SMIM14: variants seen among roughly 807,000 people sequenced by gnomAD.
The protein encoded by SMIM14 is chromosome 4 open reading frame 34.
SMIM14 carries 5 observed loss-of-function variants against 12.6 expected under a neutral mutation model. The ratio of observed to expected loss-of-function variants is 0.40; its 90% CI spans 0.21 to 0.83. The LOEUF is 0.83. SMIM14 is among the 40% of genes least tolerant of loss of function. The pLI is 0.37. For synonymous variants in SMIM14, 30 were observed against 40.1 expected (o/e 0.75, Z 0.95); for missense variants, 86 against 119.1 (o/e 0.72, Z 1.29).
Position 39,549,268 on chromosome 4 carries a change from T to G in SMIM14, c.*2858A>C, listed in dbSNP as rs1578301132. The G allele has an allele frequency of 2.0e-5, 3 of 152,178 alleles. 1 individual carries two copies. The East Asian group carries it at 5.8e-4, about 29-fold the overall frequency. The allele number at this position is 152,178 out of a possible 1,614,324, so 9.4% of individuals were successfully genotyped here. A position where few individuals can be genotyped will look rare whatever the true frequency, so the allele number is the denominator to read the frequency against. On this transcript the variant is annotated 3_prime_UTR_variant, in exon 5 of 5. Coordinates refer to ENST00000295958, the MANE Select transcript of SMIM14 (RefSeq NM_174921.3). Reference sequence around the variant, plus strand: ...ATTCTGTATCCAAGTTTCAGCCATTTCATCCAATAAAGCCTTCTAAAGCCT... The same window carrying G: ...ATTCTGTATCCAAGTTTCAGCCATTGCATCCAATAAAGCCTTCTAAAGCCT...
At chr4:39,586,075 G>A (rs149849162) in intron 2 of SMIM14, among the ~76,000 whole-genome samples, 1 of 151,990 alleles carries the variant, frequency 6.6e-6, no homozygotes, top group Non-Finnish European at 1.5e-5. Flanking sequence ...GTTTCCTGCT[G>A]GGGGCTGGTG....
Position 39,621,776 on chromosome 4 carries a change from T to A in SMIM14, c.-35-16596A>T, listed in dbSNP as rs1715503099. On this transcript the variant is annotated intron_variant, in intron 1 of 4. Transcript: ENST00000295958. Reference sequence around the variant, plus strand: ...AGAGCAATCATGACTCACTGCATCCTTGACCTCCCAGGCTCAAGTGATCCC... The same window carrying A: ...AGAGCAATCATGACTCACTGCATCCATGACCTCCCAGGCTCAAGTGATCCC... 7.5e-5 allele frequency among the ~76,000 whole-genome samples: 11 copies of A among 147,376 alleles called. No homozygotes were observed. The South Asian group carries it at 2.0e-3, about 27-fold the overall frequency.
intron 3 of SMIM14, among the ~76,000 whole-genome samples, chr4:39,569,260 T>G (rs1004463514): frequency 2.6e-4 from 39 of 152,172 alleles, no homozygotes; most frequent in African/African-American, 8.9e-4. Context: ...ATGGACTAGG[T>G]TCCCACAAAA....
At chr4:39,555,586 C>A (rs141230783) in intron 4 of SMIM14, among the ~76,000 whole-genome samples, 1 of 152,250 alleles carries the variant, frequency 6.6e-6, no homozygotes, top group East Asian at 1.9e-4. Context: ...GTCACTTTAT[C>A]ATAGTTTTAA....
At chr4:39,626,473 G>A (rs1160079230) in intron 1 of SMIM14, among the ~76,000 whole-genome samples, 1 of 152,144 alleles carries the variant, frequency 6.6e-6, no homozygotes, top group Non-Finnish European at 1.5e-5. Flanking sequence ...CAGCACAGGA[G>A]GTGGGATTCA....
At chr4:39,605,228 CTT>C (rs1271951512) in intron 1 of SMIM14, 48 bp from the exon 2 acceptor site, 12 of 1,078,870 alleles carry the variant, frequency 1.1e-5, no homozygotes, top group Middle Eastern at 2.0e-4. Flanking sequence ...CAGAATTACT[CTT>C]TCTCTTGAGC....
chr4:39,625,868 G>A (rs989791295), intron 1 of SMIM14, among the ~76,000 whole-genome samples: 1 of 152,242 alleles, frequency 6.6e-6, no homozygotes, highest in African/African-American at 2.4e-5. Flanking sequence ...GAATACAACA[G>A]GAATATACAG....
intron 2 of SMIM14, among the ~76,000 whole-genome samples, chr4:39,595,863 CCTCCTT>C (rs1003668471): frequency 2.4e-4 from 37 of 152,004 alleles, no homozygotes; most frequent in African/African-American, 8.9e-4. Flanking sequence ...GTGGCCTCTG[CCTCCTT>C]TGGGAAGAGT....
At chr4:39,600,020 G>C (rs73240618) in intron 2 of SMIM14, among the ~76,000 whole-genome samples, 10,605 of 151,530 alleles carry the variant, frequency 0.07, 614 homozygotes, top group East Asian at 0.23. Context: ...TTAGGGGCAA[G>C]ATAAATTTGG....
At chr4:39,563,818 A>G (rs1375540755) in intron 3 of SMIM14, among the ~76,000 whole-genome samples, 3 of 152,100 alleles carry the variant, frequency 2.0e-5, no homozygotes, top group Non-Finnish European at 2.9e-5. Flanking sequence ...GTTTGACTGT[A>G]CCACCTCTTA....
chr4:39,628,895 G>A (rs1220019575), intron 1 of SMIM14, among the ~76,000 whole-genome samples: 1 of 150,342 alleles, frequency 6.7e-6, no homozygotes, highest in Non-Finnish European at 1.5e-5. Flanking sequence ...ATCACACCCA[G>A]CTAGTTTTTA....
intron 2 of SMIM14, among the ~76,000 whole-genome samples, chr4:39,592,000 G>T (rs147346908): frequency 6.6e-6 from 1 of 151,722 alleles, no homozygotes; most frequent in South Asian, 2.1e-4. Context: ...TGAGACCAGC[G>T]TAGGCAACAC....
intron 2 of SMIM14, among the ~76,000 whole-genome samples, chr4:39,591,619 G>A (rs990149325): frequency 6.6e-6 from 1 of 152,014 alleles, no homozygotes; most frequent in East Asian, 1.9e-4. Context: ...GCAGTGGTGT[G>A]ATATCAGATC....
chr4:39,582,616 A>C (rs1713571781), intron 2 of SMIM14, among the ~76,000 whole-genome samples: 6 of 151,508 alleles, frequency 4.0e-5, no homozygotes, highest in Admixed American at 4.0e-4. Flanking sequence ...GTGAGCCAAG[A>C]CTGTGCCAAT....
At chr4:39,581,304 G>A (rs1713479100) in intron 2 of SMIM14, among the ~76,000 whole-genome samples, 2 of 151,838 alleles carry the variant, frequency 1.3e-5, no homozygotes, top group African/African-American at 4.8e-5. Flanking sequence ...CTATTAATGA[G>A]CAGATCTGCC....
intron 2 of SMIM14, among the ~76,000 whole-genome samples, chr4:39,585,840 C>G (rs986986604): frequency 1.3e-5 from 2 of 151,996 alleles, no homozygotes; most frequent in African/African-American, 4.8e-5. Context: ...TGGTCCACCC[C>G]CTTTGAAACC....
At chr4:39,575,687 C>A (rs1713129170) in intron 2 of SMIM14, among the ~76,000 whole-genome samples, 1 of 151,758 alleles carries the variant, frequency 6.6e-6, no homozygotes, top group Non-Finnish European at 1.5e-5. Context: ...TGGACTCAAG[C>A]GATCCTCCTA....
chr4:39,594,750 A>C (rs2110044111), intron 2 of SMIM14: 1 of 150,508 alleles, frequency 6.6e-6, no homozygotes, highest in African/African-American at 2.4e-5. Context: ...AAAGGACATG[A>C]ACAGACACTT....
At chr4:39,589,413 G>T (rs1414398624) in intron 2 of SMIM14, among the ~76,000 whole-genome samples, 1 of 152,164 alleles carries the variant, frequency 6.6e-6, no homozygotes, top group Non-Finnish European at 1.5e-5. Context: ...TGAAGATGTA[G>T]AAGTTTTAGT....
Sources: allele counts gnomAD v4.1 joint callset (sites outside exome capture counted in the v4.1 genomes callset), GRCh38; gene constraint gnomAD v4.1.1; transcripts MANE v1.5; gene names NCBI Gene and HGNC (gene_info 2026-07-23, HGNC 2026-07-21).